Variants in LRMDA observed in about 807,000 individuals in gnomAD.
LRMDA encodes the protein leucine rich melanocyte differentiation associated, also known as leucine-rich melanocyte differentiation-associated protein.
A neutral mutation model predicts 29.8 loss-of-function variants in LRMDA; 18 were observed. That is an observed-to-expected ratio of 0.60 (90% CI 0.42 to 0.90). The LOEUF is 0.90. Among genes scored for constraint, LRMDA ranks in the 40% least tolerant of loss-of-function variants. The pLI, the probability that LRMDA is intolerant of heterozygous loss-of-function variation, is 0.00. For missense variants in LRMDA, 273 were observed against 273.9 expected (o/e 1.00, Z 0.02); for synonymous variants, 125 against 109.4 (o/e 1.14, Z -0.89).
chr10:75,797,467 T>C (rs1258152927), intron 2 of LRMDA, among the ~76,000 whole-genome samples: 2 of 152,212 alleles, frequency 1.3e-5, no homozygotes. Flanking sequence ...TAAAATCATA[T>C]AGTTATATAA....
intron 2 of LRMDA, among the ~76,000 whole-genome samples, chr10:75,755,788 C>T (rs922200676): frequency 1.3e-5 from 2 of 152,236 alleles, no homozygotes; most frequent in African/African-American, 4.8e-5. Flanking sequence ...CAGTGGGGAG[C>T]AGGCAGCTGT....
At chr10:75,486,715 C>T (rs947731419) in intron 2 of LRMDA, among the ~76,000 whole-genome samples, 4 of 152,174 alleles carry the variant, frequency 2.6e-5, no homozygotes, top group Admixed American at 2.0e-4. Context: ...CACACACCCT[C>T]CTCCTTGGGC....
chr10:76,303,718 T>TTG (rs1840512687), intron 5 of LRMDA, among the ~76,000 whole-genome samples: 1 of 151,268 alleles, frequency 6.6e-6, no homozygotes, highest in Non-Finnish European at 1.5e-5. Flanking sequence ...GCCACTCTTT[T>TTG]TTTTTTTTTT....
intron 2 of LRMDA, among the ~76,000 whole-genome samples, chr10:75,505,143 G>A (rs973802304): frequency 6.6e-6 from 1 of 152,170 alleles, no homozygotes; most frequent in Non-Finnish European, 1.5e-5. Context: ...CACAGGTTTG[G>A]CTGTTAAAAC....
chr10:75,860,429 C>A (rs1225504346), intron 2 of LRMDA, among the ~76,000 whole-genome samples: 2 of 146,800 alleles, frequency 1.4e-5, no homozygotes, highest in African/African-American at 5.0e-5. Flanking sequence ...TCAAGTGATT[C>A]TCCTGCCTCA....
chr10:75,988,850 C>T (rs956962759), intron 2 of LRMDA, among the ~76,000 whole-genome samples: 16 of 152,170 alleles, frequency 1.1e-4, no homozygotes, highest in Admixed American at 4.6e-4. Context: ...TGCAGCTCCT[C>T]GGACCTATTG....
intron 2 of LRMDA, among the ~76,000 whole-genome samples, chr10:75,973,006 A>T (rs1847004232): frequency 6.8e-6 from 1 of 146,430 alleles, no homozygotes. Flanking sequence ...CTTTCAGGAC[A>T]AAACCACTTT....
At chr10:76,042,346 C>T (rs771051770) in intron 3 of LRMDA, among the ~76,000 whole-genome samples, 3 of 152,148 alleles carry the variant, frequency 2.0e-5, no homozygotes, top group Non-Finnish European at 4.4e-5. Flanking sequence ...CAGGCAGGCT[C>T]TTAGAAATCT....
At chr10:76,357,255 C>A (rs562195484) in intron 6 of LRMDA, among the ~76,000 whole-genome samples, 1 of 152,192 alleles carries the variant, frequency 6.6e-6, no homozygotes, top group African/African-American at 2.4e-5. Context: ...TTGAATAGAG[C>A]TGGGGGATCT....
chr10:76,223,034 C>T (rs184575208), intron 5 of LRMDA, among the ~76,000 whole-genome samples: 2,346 of 151,270 alleles, frequency 0.016, 48 homozygotes, highest in African/African-American at 0.05. Flanking sequence ...CCAAACACCG[C>T]ATATTCTCAC....
chr10:75,516,846 G>C (rs1461858407), intron 2 of LRMDA, among the ~76,000 whole-genome samples: 1 of 152,116 alleles, frequency 6.6e-6, no homozygotes, highest in Non-Finnish European at 1.5e-5. Context: ...TAACATTTAA[G>C]TCATCAATCC....
At chr10:75,729,674 G>C (rs1842671533) in intron 2 of LRMDA, among the ~76,000 whole-genome samples, 1 of 152,208 alleles carries the variant, frequency 6.6e-6, no homozygotes. Context: ...TTATGTATCT[G>C]TGTGGTAGTA....
At chr10:75,527,705 TATATA>T (rs919263893) in intron 2 of LRMDA, among the ~76,000 whole-genome samples, 80 of 147,506 alleles carry the variant, frequency 5.4e-4, no homozygotes, top group Non-Finnish European at 8.9e-4. Context: ...TTATAATTGT[TATATA>T]ATATATTAAT....
rs1053157798 is a variant in LRMDA at position 75,788,245 on chromosome 10, A to G, written c.132-247763A>G. On this transcript the variant is annotated intron_variant, in intron 2 of 6. Coordinates refer to ENST00000611255, the MANE Select transcript of LRMDA (RefSeq NM_001305581.2). Reference sequence around the variant, plus strand: ...AACAGTGGCTTAAAATGGGAGTTTTAGTTTCTTTTACAAAAAGGAACAGAT... The same window carrying G: ...AACAGTGGCTTAAAATGGGAGTTTTGGTTTCTTTTACAAAAAGGAACAGAT... Among the ~76,000 whole-genome samples, 7 of 152,340 alleles carry G rather than the reference A, an allele frequency of 4.6e-5. No homozygotes were observed. The South Asian group carries it at 1.4e-3, about 32-fold the overall frequency.
intron 6 of LRMDA, among the ~76,000 whole-genome samples, chr10:76,384,427 A>C (rs1312046285): frequency 1.3e-5 from 2 of 152,232 alleles, no homozygotes; most frequent in Non-Finnish European, 2.9e-5. Flanking sequence ...TTCATATTTT[A>C]TACCGAATGT....
chr10:75,534,154 A>G (rs1250253507), intron 2 of LRMDA, among the ~76,000 whole-genome samples: 1 of 152,220 alleles, frequency 6.6e-6, no homozygotes. Context: ...TACAGGGAAT[A>G]TAATATATGA....
At chr10:75,700,027 G>A (rs1842285412) in intron 2 of LRMDA, among the ~76,000 whole-genome samples, 1 of 152,136 alleles carries the variant, frequency 6.6e-6, no homozygotes, top group Non-Finnish European at 1.5e-5. Context: ...TGGAGGGAGT[G>A]TGGCCCTGCT....
chr10:76,293,377 T>C (rs1840373695), intron 5 of LRMDA, among the ~76,000 whole-genome samples: 1 of 152,246 alleles, frequency 6.6e-6, no homozygotes, highest in Non-Finnish European at 1.5e-5. Context: ...TGCCTTATGA[T>C]GCTCATGTGT....
intron 2 of LRMDA, among the ~76,000 whole-genome samples, chr10:75,915,938 AC>A (rs1460363080): frequency 1.3e-5 from 2 of 152,174 alleles, no homozygotes; most frequent in Non-Finnish European, 2.9e-5. Context: ...CAGGGAAGGC[AC>A]CTTAGAAGAG....
Sources: allele counts gnomAD v4.1 joint callset (sites outside exome capture counted in the v4.1 genomes callset), GRCh38; gene constraint gnomAD v4.1.1; transcripts MANE v1.5; gene names NCBI Gene and HGNC (gene_info 2026-07-23, HGNC 2026-07-21).